Variants in TMEM132C observed in about 807,000 individuals in gnomAD.
The protein encoded by TMEM132C is protein phosphatase 1, regulatory subunit 152.
In TMEM132C, 29 loss-of-function variants were observed where a neutral mutation model predicts 61.4. The observed-to-expected ratio is 0.47, with a 90% CI of 0.35 to 0.64. The LOEUF (loss-of-function observed/expected upper bound fraction) is 0.64. Among genes scored for constraint, TMEM132C ranks in the 30% least tolerant of loss-of-function variants. TMEM132C has a pLI of 0.00. For missense variants in TMEM132C, 1,408 were observed against 1,476.9 expected (o/e 0.95, Z 0.76); for synonymous variants, 656 against 633.1 (o/e 1.04, Z -0.54).
chr12:128,628,986 ATTTAT>A (rs1954043008), intron 4 of TMEM132C, among the ~76,000 whole-genome samples: 1 of 152,252 alleles, frequency 6.6e-6, no homozygotes, highest in African/African-American at 2.4e-5. Context: ...TGAATTTATA[ATTTAT>A]TTTAAGTAAT....
intron 5 of TMEM132C, among the ~76,000 whole-genome samples, chr12:128,679,360 A>G (rs10847667): frequency 0.019 from 2,931 of 152,354 alleles, 84 homozygotes; most frequent in South Asian, 0.12. Flanking sequence ...TAACAACAGC[A>G]AGCACTGGTT....
chr12:128,541,912 G>C (rs1032043895), intron 2 of TMEM132C, among the ~76,000 whole-genome samples: 1 of 152,158 alleles, frequency 6.6e-6, no homozygotes, highest in African/African-American at 2.4e-5. Context: ...CACACATGGG[G>C]TTGTGGGGTC....
intron 2 of TMEM132C, among the ~76,000 whole-genome samples, chr12:128,542,520 A>G (rs1873793317): frequency 6.6e-6 from 1 of 152,068 alleles, no homozygotes; most frequent in Non-Finnish European, 1.5e-5. Context: ...TGGCCAAGCT[A>G]ATCTCCAACT....
At chr12:128,283,428 A>G (rs1870959271) in intron 1 of TMEM132C, among the ~76,000 whole-genome samples, 1 of 152,022 alleles carries the variant, frequency 6.6e-6, no homozygotes, top group Non-Finnish European at 1.5e-5. Flanking sequence ...CTCTAGTTCC[A>G]CTCAGTGGAC....
At chr12:128,556,322 T>C (rs1256286923) in intron 3 of TMEM132C, among the ~76,000 whole-genome samples, 1 of 152,188 alleles carries the variant, frequency 6.6e-6, no homozygotes, top group Non-Finnish European at 1.5e-5. Context: ...TCAGGATGTG[T>C]CTATAGAGGA....
intron 1 of TMEM132C, among the ~76,000 whole-genome samples, chr12:128,283,371 T>G (rs907038321): frequency 2.0e-5 from 3 of 152,190 alleles, no homozygotes; most frequent in African/African-American, 4.8e-5. Context: ...AAATGGTATT[T>G]AGACATCAAG....
At chr12:128,605,244 C>G (rs567763671) in intron 3 of TMEM132C, among the ~76,000 whole-genome samples, 1 of 152,220 alleles carries the variant, frequency 6.6e-6, no homozygotes, top group South Asian at 2.1e-4. Flanking sequence ...GGAGAGCCAG[C>G]AAAGTACTTC....
At chr12:128,584,471 T>G (rs1161222932) in intron 3 of TMEM132C, among the ~76,000 whole-genome samples, 1 of 152,244 alleles carries the variant, frequency 6.6e-6, no homozygotes, top group Non-Finnish European at 1.5e-5. Flanking sequence ...TACTCGTTTT[T>G]GGGTCTCTCC....
intron 4 of TMEM132C, among the ~76,000 whole-genome samples, chr12:128,625,887 G>T (rs1954010772): frequency 6.6e-6 from 1 of 152,048 alleles, no homozygotes; most frequent in South Asian, 2.1e-4. Flanking sequence ...ATGAATTTGG[G>T]GGACACAACC....
At chr12:128,344,088 C>T (rs895035643) in intron 1 of TMEM132C, among the ~76,000 whole-genome samples, 10 of 152,166 alleles carry the variant, frequency 6.6e-5, no homozygotes, top group Admixed American at 2.0e-4. Context: ...TTGGCTATTA[C>T]GAATAATGCT....
At chr12:128,547,565 CAAA>C (rs34135152) in intron 3 of TMEM132C, among the ~76,000 whole-genome samples, 12 of 67,612 alleles carry the variant, frequency 1.8e-4, no homozygotes, top group African/African-American at 1.9e-4. Context: ...CTCTGTCTCA[CAAA>C]AAAAAAAAAA....
intron 4 of TMEM132C, among the ~76,000 whole-genome samples, chr12:128,668,319 C>G (rs935929748): frequency 6.6e-5 from 10 of 151,528 alleles, no homozygotes; most frequent in Non-Finnish European, 1.5e-4. Context: ...AAAAAGATGT[C>G]AAGAAAATTG....
Position 128,549,820 on chromosome 12 carries a change from G to A in TMEM132C, c.1121+5717G>A, listed in dbSNP as rs990209925. Among the ~76,000 whole-genome samples the A allele has an allele frequency of 5.9e-5, 9 of 152,206 alleles. 1 individual carries two copies. In the South Asian group the frequency reaches 1.3e-3, roughly 21 times the overall value. ...GCATCTAATCCTCCTTCAAGCATTC[G>A]AGGTAGACACAGTGAGCCATGACCT... is the stretch of plus-strand genomic sequence containing the variant. On this transcript the variant is annotated intron_variant, in intron 3 of 8. Transcript: ENST00000435159.
At chr12:128,388,977 G>T (rs74937095) in intron 1 of TMEM132C, among the ~76,000 whole-genome samples, 2,584 of 152,212 alleles carry the variant, frequency 0.017, 75 homozygotes, top group African/African-American at 0.059. Flanking sequence ...ACAGAAGACC[G>T]TGACAGTTTG....
intron 1 of TMEM132C, among the ~76,000 whole-genome samples, chr12:128,401,025 G>C (rs1447305420): frequency 6.6e-6 from 1 of 152,162 alleles, no homozygotes; most frequent in Non-Finnish European, 1.5e-5. Context: ...ACTGAACCAG[G>C]TAATGGGAAT....
At chr12:128,498,319 G>T (rs963060387) in intron 2 of TMEM132C, among the ~76,000 whole-genome samples, 1 of 152,088 alleles carries the variant, frequency 6.6e-6, no homozygotes, top group African/African-American at 2.4e-5. Context: ...AAGGCTTCCA[G>T]ACTGGAAAGG....
At chr12:128,551,216 C>T (rs556893684) in intron 3 of TMEM132C, among the ~76,000 whole-genome samples, 8 of 144,356 alleles carry the variant, frequency 5.5e-5, no homozygotes, top group South Asian at 4.2e-4. Flanking sequence ...AGAGCCCCCC[C>T]CCTCCCGCTT....
At chr12:128,284,494 C>T (rs777054369) in intron 1 of TMEM132C, among the ~76,000 whole-genome samples, 1 of 152,194 alleles carries the variant, frequency 6.6e-6, no homozygotes, top group Non-Finnish European at 1.5e-5. Flanking sequence ...TGTGCTGTGA[C>T]CACCACACTG....
At chr12:128,591,784 G>A (rs1875759977) in intron 3 of TMEM132C, among the ~76,000 whole-genome samples, 1 of 152,084 alleles carries the variant, frequency 6.6e-6, no homozygotes, top group Non-Finnish European at 1.5e-5. Context: ...AGGCACGGTG[G>A]CTCATGCCTG....
Sources: gnomAD v4.1 joint callset for allele counts (sites outside exome capture counted in the v4.1 genomes callset) on GRCh38, gnomAD v4.1.1 for gene constraint, MANE v1.5 for transcripts, NCBI Gene and HGNC (gene_info 2026-07-23, HGNC 2026-07-21) for gene names.